L3MBTL4: variants seen among roughly 807,000 people sequenced by gnomAD.
The protein encoded by L3MBTL4 is lethal(3)malignant brain tumor-like protein 4.
Under a neutral mutation model 84.5 loss-of-function variants are expected in L3MBTL4, and 70 were observed. The ratio of observed to expected loss-of-function variants is 0.83; its 90% CI spans 0.68 to 1.01. The LOEUF is 1.01. Ranked by LOEUF, L3MBTL4 falls within the 50% of genes least tolerant of loss-of-function variation. The pLI is 0.00. For synonymous variants in L3MBTL4, 274 were observed against 259.8 expected (o/e 1.05, Z -0.52); for missense variants, 715 against 754.8 (o/e 0.95, Z 0.62).
At chr18:6,105,930 C>T (rs1158506835) in intron 14 of L3MBTL4, among the ~76,000 whole-genome samples, 1 of 152,040 alleles carries the variant, frequency 6.6e-6, no homozygotes, top group Non-Finnish European at 1.5e-5. Context: ...CAAAACACAA[C>T]TTGATTAGTC....
chr18:6,106,547 A>C (rs1282702671), intron 14 of L3MBTL4, among the ~76,000 whole-genome samples: 1 of 152,240 alleles, frequency 6.6e-6, no homozygotes, highest in Non-Finnish European at 1.5e-5. Flanking sequence ...AGAACTGGCC[A>C]TCTGGATAAT....
intron 1 of L3MBTL4, among the ~76,000 whole-genome samples, chr18:6,386,809 C>G (rs1339002836): frequency 6.6e-6 from 1 of 152,164 alleles, no homozygotes; most frequent in Non-Finnish European, 1.5e-5. Flanking sequence ...GGCCAGACTG[C>G]AGGCAACCCT....
At chr18:6,139,962 G>A (rs1391792585) in intron 13 of L3MBTL4, among the ~76,000 whole-genome samples, 2 of 151,980 alleles carry the variant, frequency 1.3e-5, no homozygotes, top group Non-Finnish European at 2.9e-5. Flanking sequence ...AAATGCTCAG[G>A]CACACTCAGG....
chr18:6,060,897 C>T (rs1440806494), intron 16 of L3MBTL4, among the ~76,000 whole-genome samples: 1 of 152,098 alleles, frequency 6.6e-6, no homozygotes, highest in Non-Finnish European at 1.5e-5. Context: ...CACCTATTAT[C>T]CATTCACCTA....
At chr18:6,379,110 G>T (rs1018193137) in intron 1 of L3MBTL4, among the ~76,000 whole-genome samples, 1 of 151,798 alleles carries the variant, frequency 6.6e-6, no homozygotes, top group Non-Finnish European at 1.5e-5. Context: ...TCATGATTTG[G>T]CTCTGTTTGT....
intron 3 of L3MBTL4, among the ~76,000 whole-genome samples, chr18:6,305,798 G>A (rs1348257213): frequency 2.6e-5 from 4 of 152,192 alleles, no homozygotes; most frequent in Admixed American, 6.5e-5. Flanking sequence ...GGCACTGGAC[G>A]CATCACATGC....
chr18:5,967,888 CA>C (rs2052432756), intron 17 of L3MBTL4, among the ~76,000 whole-genome samples: 2 of 152,196 alleles, frequency 1.3e-5, no homozygotes, highest in South Asian at 2.1e-4. Context: ...TGAAGGGCGC[CA>C]GGGGGAGCCA....
chr18:6,401,423 T>C (rs1439055847), intron 1 of L3MBTL4, among the ~76,000 whole-genome samples: 1 of 152,174 alleles, frequency 6.6e-6, no homozygotes, highest in African/African-American at 2.4e-5. Context: ...TTACAGCATA[T>C]TCACACTGTA....
At chr18:6,184,371 A>AT (rs1428485335) in intron 12 of L3MBTL4, among the ~76,000 whole-genome samples, 1 of 152,212 alleles carries the variant, frequency 6.6e-6, no homozygotes, top group African/African-American at 2.4e-5. Flanking sequence ...TTGTTGAAGC[A>AT]TTAACACTCA....
intron 16 of L3MBTL4, among the ~76,000 whole-genome samples, chr18:5,992,624 C>T (rs1469025290): frequency 3.3e-5 from 5 of 152,174 alleles, no homozygotes; most frequent in African/African-American, 9.7e-5. Context: ...CCCTCATGAG[C>T]GGCTTGGGCC....
intron 13 of L3MBTL4, among the ~76,000 whole-genome samples, chr18:6,171,099 G>A (rs2043950873): frequency 6.6e-6 from 1 of 152,298 alleles, no homozygotes; most frequent in African/African-American, 2.4e-5. Context: ...CTGGCTCCAT[G>A]TAAGATATCC....
intron 15 of L3MBTL4, among the ~76,000 whole-genome samples, chr18:6,090,632 CTT>C (rs371420348): frequency 0.32 from 44,323 of 138,838 alleles, 8,528 homozygotes; most frequent in African/African-American, 0.57. Context: ...ACATATATTT[CTT>C]TTTTTTTTTT....
intron 1 of L3MBTL4, among the ~76,000 whole-genome samples, chr18:6,360,293 C>A (rs2053629048): frequency 6.6e-6 from 1 of 152,142 alleles, no homozygotes; most frequent in South Asian, 2.1e-4. Flanking sequence ...ATCCCTTAAG[C>A]TCAGGAGTTC....
chr18:5,969,235 C>T (rs1334202332), intron 17 of L3MBTL4, among the ~76,000 whole-genome samples, 158 bp downstream of exon 17: 1 of 152,140 alleles, frequency 6.6e-6, no homozygotes, highest in Non-Finnish European at 1.5e-5. Flanking sequence ...TATCTGGCTT[C>T]TCCCTCTAAT....
At chr18:6,341,497 T>G (rs2052607783) in intron 1 of L3MBTL4, among the ~76,000 whole-genome samples, 1 of 151,348 alleles carries the variant, frequency 6.6e-6, no homozygotes, top group East Asian at 1.9e-4. Flanking sequence ...ACTCAAAAAT[T>G]CAACTGAGAG....
chr18:6,338,209 AGCG>A lies in L3MBTL4; in HGVS notation c.-90-26156_-90-26154del, dbSNP rs560390864. Reference sequence around the variant, plus strand: ...AGGAGGAGGAGGAAGAGAGAAGAAAAGCGGAGGAGGAGAAGGAGGGAAAGAAGG... The same window carrying A: ...AGGAGGAGGAGGAAGAGAGAAGAAAAGAGGAGGAGAAGGAGGGAAAGAAGG... On this transcript the variant is annotated intron_variant, in intron 1 of 18. Transcript: ENST00000317931. Among the ~76,000 whole-genome samples the A allele has an allele frequency of 2.9e-4, 44 of 152,114 alleles. No homozygotes were observed. The South Asian group carries it at 9.1e-3, about 32-fold the overall frequency.
chr18:6,147,603 C>A (rs1322840118), intron 13 of L3MBTL4, among the ~76,000 whole-genome samples: 1 of 152,138 alleles, frequency 6.6e-6, no homozygotes, highest in Non-Finnish European at 1.5e-5. Context: ...GGCAATCTAA[C>A]CATCTGCCTG....
intron 15 of L3MBTL4, among the ~76,000 whole-genome samples, chr18:6,087,251 C>A (rs1322475438): frequency 1.3e-5 from 2 of 152,136 alleles, no homozygotes; most frequent in African/African-American, 4.8e-5. Context: ...CATACCAAAA[C>A]CAAATTCCAT....
intron 4 of L3MBTL4, among the ~76,000 whole-genome samples, chr18:6,296,176 T>C (rs2050102814): frequency 6.6e-6 from 1 of 152,196 alleles, no homozygotes; most frequent in Non-Finnish European, 1.5e-5. Flanking sequence ...TCCAGGATAC[T>C]ATTCAAGGAG....
Sources: gnomAD v4.1 joint callset for allele counts (sites outside exome capture counted in the v4.1 genomes callset) on GRCh38, gnomAD v4.1.1 for gene constraint, MANE v1.5 for transcripts, NCBI Gene and HGNC (gene_info 2026-07-23, HGNC 2026-07-21) for gene names.